Variants in ETV5 observed in about 807,000 individuals in gnomAD.
ETV5 encodes the protein ETS variant transcription factor 5, also known as ETS translocation variant 5.
Under a neutral mutation model 70.0 loss-of-function variants are expected in ETV5, and 10 were observed. That is an observed-to-expected ratio of 0.14 (90% CI 0.09 to 0.24). The LOEUF is 0.24. ETV5 is among the 10% of genes least tolerant of loss of function. ETV5 has a pLI of 1.00. For synonymous variants in ETV5, 216 were observed against 242.2 expected, an observed-to-expected ratio of 0.89 and a Z score of 1.01; for missense variants, 453 against 651.2, an observed-to-expected ratio of 0.70 and a Z score of 3.31.
rs1713118117 is a variant in ETV5 at position 186,054,824 on chromosome 3, G to A, written c.1209+2251C>T. ...TACAAGGAGGGGTGGGGGGAGCTCA[G>A]CAAATGTCACCTGTCCTGAGGCTAA... On this transcript the variant is annotated intron_variant, in intron 11 of 12. Transcript: ENST00000306376. The surrounding 1 kb of genome is among the most constrained non-coding windows in gnomAD (Gnocchi z 4.4). 6.6e-6 allele frequency among the ~76,000 whole-genome samples: 1 copy of A among 152,154 alleles called. No individual in the cohort carries two copies. The highest frequency in any genetic ancestry group is 6.5e-5 in the Admixed American group (1 of 15,284).
intron 5 of ETV5, among the ~76,000 whole-genome samples, chr3:186,091,803 G>A (rs1258936099): frequency 2.0e-5 from 3 of 152,180 alleles, no homozygotes; most frequent in Non-Finnish European, 4.4e-5. Context: ...GGTTACATTG[G>A]TATAGGAATA....
At chr3:186,107,952 C>A (rs1259882434) in intron 1 of ETV5, among the ~76,000 whole-genome samples, 1 of 151,548 alleles carries the variant, frequency 6.6e-6, no homozygotes, top group Non-Finnish European at 1.5e-5. Flanking sequence ...GCAGGCCCCT[C>A]ACCCCAGCGT....
intron 5 of ETV5, among the ~76,000 whole-genome samples, chr3:186,082,981 A>G (rs1298485929): frequency 6.6e-6 from 1 of 152,262 alleles, no homozygotes; most frequent in Non-Finnish European, 1.5e-5. Flanking sequence ...GTTGAGAACT[A>G]GCAGATTATA....
At chr3:186,069,036 A>T (rs1271986430) in intron 7 of ETV5, among the ~76,000 whole-genome samples, 1 of 152,214 alleles carries the variant, frequency 6.6e-6, no homozygotes, top group African/African-American at 2.4e-5. Context: ...ATTTGAATCA[A>T]TGTGTGGGAA....
At chr3:186,100,265 A>G (rs1353757780) in intron 5 of ETV5, among the ~76,000 whole-genome samples, 3 of 152,238 alleles carry the variant, frequency 2.0e-5, no homozygotes. Flanking sequence ...CCTGAAAAGT[A>G]TAAACCAATG....
At chr3:186,087,327 G>C (rs941160882) in intron 5 of ETV5, among the ~76,000 whole-genome samples, 4 of 152,190 alleles carry the variant, frequency 2.6e-5, no homozygotes, top group Admixed American at 1.3e-4. Flanking sequence ...AAGTCAGGAG[G>C]GAGGTTACTC....
chr3:186,062,774 C>T (rs7634510), intron 9 of ETV5, among the ~76,000 whole-genome samples: 22,242 of 152,164 alleles, frequency 0.15, 2,036 homozygotes, highest in Non-Finnish European at 0.2. Context: ...TAAAAAAAGA[C>T]TATAAAACAA....
At chr3:186,088,092 G>A (rs145866108) in intron 5 of ETV5, among the ~76,000 whole-genome samples, 412 of 152,280 alleles carry the variant, frequency 2.7e-3, no homozygotes, top group African/African-American at 9.4e-3. Flanking sequence ...CATCCTTCAC[G>A]TTCTGTTTTG....
At chr3:186,095,705 T>G (rs1714287222) in intron 5 of ETV5, among the ~76,000 whole-genome samples, 1 of 152,234 alleles carries the variant, frequency 6.6e-6, no homozygotes, top group African/African-American at 2.4e-5. Flanking sequence ...CTAGCAACAC[T>G]TGGCTAGTGT....
In ETV5 at chr3:186,057,692, G is replaced by A. The variant is rs973308321; in HGVS notation, c.971-201C>T. ...GATGTAATCACCTGCGCCTCAGTCA[G>A]AGCAGCATCAATTCCTGCTTTTACA... On this transcript the variant is annotated intron_variant, in intron 9 of 12. Transcript: ENST00000306376. This position sits in a 1 kb window ranked among gnomAD's most constrained non-coding sequence, Gnocchi z 4.9. Among the ~76,000 whole-genome samples the A allele has an allele frequency of 1.3e-5, 2 of 152,170 alleles. No individual in the cohort carries two copies. The highest frequency in any genetic ancestry group is 2.9e-5 in the Non-Finnish European group (2 of 68,020).
At chr3:186,064,283 G>T in intron 9 of ETV5, 134 bp downstream of exon 9, 2 of 783,120 alleles carry the variant, frequency 2.6e-6, no homozygotes, top group Non-Finnish European at 2.1e-6. Flanking sequence ...TGGAAACTGA[G>T]CAATTTTAAG....
At chr3:186,107,175 A>C (rs1280543688) in intron 1 of ETV5, among the ~76,000 whole-genome samples, 1 of 152,194 alleles carries the variant, frequency 6.6e-6, no homozygotes, top group Non-Finnish European at 1.5e-5. Flanking sequence ...TCAAAGTCAA[A>C]GGAAAGAGAG....
At chr3:186,051,692 G>A (rs1457223015) in intron 12 of ETV5, among the ~76,000 whole-genome samples, 4 of 152,334 alleles carry the variant, frequency 2.6e-5, no homozygotes, top group East Asian at 1.9e-4. Context: ...AGACCTTCAA[G>A]TTGATTCCCT....
intron 5 of ETV5, among the ~76,000 whole-genome samples, chr3:186,098,532 T>C (rs1389519142): frequency 1.3e-5 from 2 of 152,134 alleles, no homozygotes; most frequent in African/African-American, 2.4e-5. Context: ...CCTGAAGAGT[T>C]CAGAATACCC....
At chr3:186,101,690 T>C (rs1714462393) in intron 5 of ETV5, among the ~76,000 whole-genome samples, 1 of 151,982 alleles carries the variant, frequency 6.6e-6, no homozygotes, top group Non-Finnish European at 1.5e-5. Flanking sequence ...TCTGCAGCTT[T>C]GTGAGAGCTT....
At chr3:186,060,638 T>C (rs559911966) in intron 9 of ETV5, among the ~76,000 whole-genome samples, 1 of 152,308 alleles carries the variant, frequency 6.6e-6, no homozygotes, top group South Asian at 2.1e-4. Context: ...CAAGCCTGTA[T>C]AAGGATAGGA....
At chr3:186,108,310 C>T (rs745987838) in intron 1 of ETV5, 24 of 453,992 alleles carry the variant, frequency 5.3e-5, no homozygotes, top group Middle Eastern at 7.1e-4. Context: ...TCCGGTGCGC[C>T]CCGATTTTCT....
At chr3:186,049,542 CA>C (rs1712973367) in intron 12 of ETV5, among the ~76,000 whole-genome samples, 1 of 152,112 alleles carries the variant, frequency 6.6e-6, no homozygotes, top group South Asian at 2.1e-4. Flanking sequence ...GGTTGTTCAG[CA>C]ATAGTACAAG....
In ETV5 at chr3:186,076,238, G is replaced by T. The variant is rs577747841; in HGVS notation, c.650+3579C>A. 3 of 217,504 alleles carry T rather than the reference G, an allele frequency of 1.4e-5. No homozygotes were observed. The East Asian group carries it at 2.1e-4, about 15-fold the overall frequency. 13.5% of individuals were successfully genotyped at this position (217,504 alleles called of 1,614,324 possible). The stretch of plus-strand genomic sequence containing the variant: ...ATCTTCTAAAAATAAATTGAGTTGT[G>T]AAGAATTACATGCTAAGACTATATA... On this transcript the variant is annotated intron_variant, in intron 7 of 12. Coordinates refer to ENST00000306376, the MANE Select transcript of ETV5 (RefSeq NM_004454.3).
Sources: gnomAD v4.1 joint callset for allele counts (sites outside exome capture counted in the v4.1 genomes callset) on GRCh38, gnomAD v4.1.1 for gene constraint, Gnocchi (gnomAD v3.1) non-coding constraint, MANE v1.5 for transcripts, NCBI Gene and HGNC (gene_info 2026-07-23, HGNC 2026-07-21) for gene names.